Variants in C1orf162 observed in about 807,000 individuals in gnomAD.
The protein encoded by C1orf162 is chromosome 1 open reading frame 162, also known as transmembrane protein C1orf162.
C1orf162 carries 10 observed loss-of-function variants against 11.4 expected under a neutral mutation model. The observed-to-expected ratio is 0.88, with a 90% CI of 0.54 to 1.48. C1orf162 has a LOEUF of 1.48. C1orf162 is among the 40% of genes most tolerant of loss of function. The pLI is 0.00. For missense variants in C1orf162, 140 were observed against 149.5 expected, an observed-to-expected ratio of 0.94 and a Z score of 0.33; for synonymous variants, 53 against 55.0, an observed-to-expected ratio of 0.96 and a Z score of 0.16.
chr1:111,477,634 C>G, intron 4 of C1orf162, 92 bp from the exon 5 acceptor site: 1 of 1,612,360 alleles, frequency 6.2e-7, no homozygotes, highest in Non-Finnish European at 8.5e-7. Flanking sequence ...TCCTCCCCAC[C>G]CCACCCTTCA....
At chr1:111,475,997 G>C (rs760970825) in intron 1 of C1orf162, 21 bp from the exon 2 acceptor site, 1 of 1,607,510 alleles carries the variant, frequency 6.2e-7, no homozygotes, top group African/African-American at 1.3e-5. Flanking sequence ...CTTTCTAAGA[G>C]ATACCTTGTT....
At chr1:111,476,456 T>C (rs1019772338) in intron 2 of C1orf162, among the ~76,000 whole-genome samples, 2 of 152,188 alleles carry the variant, frequency 1.3e-5, no homozygotes, top group African/African-American at 4.8e-5. Flanking sequence ...GCATTTGTTG[T>C]TTCTCCCTAG....
intron 1 of C1orf162, 88 bp from the exon 2 acceptor site, chr1:111,475,930 T>C (rs2101770445): frequency 9.7e-7 from 1 of 1,029,962 alleles, no homozygotes; most frequent in East Asian, 2.4e-5. Flanking sequence ...TTGTTACTAC[T>C]CTTATATGAC....
chr1:111,476,827 C>G lies in C1orf162; in HGVS notation c.67C>G (p.Pro23Ala). ...ACAAGGCACTCTCTCCACAGCAGCC[C>G]CAACAACTAGCCCTGCACCCTGTCT... ...ERQGTLSTAA[P>A]TTSPAPCLSN... The change falls in exon 3 of 6, where the codon CCA (proline) becomes GCA (alanine). Residue 23 changes from proline (P) to alanine (A), a missense_variant. Physicochemically the swap from Pro to Ala is conservative, Grantham distance 27. Coordinates refer to ENST00000369718, the MANE Select transcript of C1orf162 (RefSeq NM_001300834.2). 6.2e-7 allele frequency: 1 copy of G among 1,614,032 alleles called. No homozygotes were observed. The highest frequency in any genetic ancestry group is 8.5e-7 in the Non-Finnish European group (1 of 1,179,966).
rs770283574 is a variant in C1orf162 at position 111,477,309 on chromosome 1, C to T, written c.108-25C>T. On this transcript the variant is annotated intron_variant, in intron 3 of 5. Transcript: ENST00000369718. ...GGCCTTCAAAAGCCCAACAGTTCAT[C>T]CCCTGCCTTTCTTTGCCAAAACAGC... is the stretch of plus-strand genomic sequence containing the variant. 15 of 1,591,080 alleles carry T rather than the reference C, an allele frequency of 9.4e-6. No individual in the cohort carries two copies. The South Asian group carries it at 1.4e-4, about 15-fold the overall frequency.
intron 1 of C1orf162, chr1:111,475,810 C>A: frequency 2.0e-6 from 1 of 499,718 alleles, no homozygotes; most frequent in South Asian, 2.8e-5. Context: ...TCTGGACCTG[C>A]AAACCTGAAG....
intron 1 of C1orf162, chr1:111,475,543 C>T (rs1653961169): frequency 1.2e-5 from 2 of 163,676 alleles, no homozygotes; most frequent in Admixed American, 5.7e-5. Context: ...AAGATTGATA[C>T]ATCAGACCCA....
At chr1:111,477,065 C>T in intron 3 of C1orf162, 198 bp downstream of exon 3, 1 of 660,766 alleles carries the variant, frequency 1.5e-6, no homozygotes. Context: ...TCCATGGATC[C>T]CCTAAGCTTA....
chr1:111,477,399 T>C lies in C1orf162; in HGVS notation c.173T>C (p.Ile58Thr). 6.2e-7 allele frequency: 1 copy of C among 1,613,932 alleles called. No homozygotes were observed. The highest frequency in any genetic ancestry group is 8.5e-7 in the Non-Finnish European group (1 of 1,179,788). The change falls in exon 4 of 6, where the codon ATC becomes ACC. Residue 58 changes from isoleucine to threonine, a missense_variant. Physicochemically the swap from Ile to Thr is moderately conservative, Grantham distance 89. Transcript: ENST00000369718. ...CTGACACTGCTGCTGATAGCCTTTA[T>C]CTTCCTCATCATAAAGAGCTACAGA... ...VLLTLLLIAF[I>T]FLIIKSYRKY...
At chr1:111,477,916 T>A (rs1240777437) in intron 5 of C1orf162, 67 bp from the exon 6 acceptor site, 4 of 1,606,338 alleles carry the variant, frequency 2.5e-6, no homozygotes, top group African/African-American at 1.3e-5. Flanking sequence ...GTGCTCAGGT[T>A]GCTTCTAAAG....
chr1:111,478,001 G>T lies in C1orf162; in HGVS notation c.271G>T (p.Glu91Ter), dbSNP rs147652304. Reference protein sequence around the residue: ...PPAKLSSIPGESLTYASTTFK... With the variant: ...PPAKLSSIPG ...TCTGCAGCTTTCATCCATCCCAGGG[G>T]AATCACTTACCTATGCCAGCACAAC... The change falls in exon 6 of 6, where the codon GAA (glutamate) becomes TAA (stop). Residue 91 changes from glutamate (E) to a stop codon, truncating the protein, a stop_gained. Coordinates refer to ENST00000369718, the MANE Select transcript of C1orf162 (RefSeq NM_001300834.2). LOFTEE classifies it low-confidence loss of function (END_TRUNC). 5.6e-6 allele frequency: 9 copies of T among 1,613,976 alleles called. No individual in the cohort carries two copies. The African/African-American group carries it at 1.2e-4, about 22-fold the overall frequency.
chr1:111,474,392 G>T (rs368858314), intron 1 of C1orf162, among the ~76,000 whole-genome samples: 1 of 152,074 alleles, frequency 6.6e-6, no homozygotes, highest in Admixed American at 6.6e-5. Flanking sequence ...GGGTGGGGTG[G>T]CCTAATGTTT....
chr1:111,476,807 G>A lies in C1orf162; in HGVS notation c.47G>A (p.Gly16Asp). The A allele has an allele frequency of 6.2e-7, 1 of 1,613,924 alleles. No homozygotes were observed. Among genetic ancestry groups the A allele is most frequent in the Non-Finnish European group, 8.5e-7 (1 of 1,179,858 alleles). The change falls in exon 3 of 6, where the codon GGC becomes GAC. Residue 16 changes from glycine (G) to aspartate (D), a missense_variant. Physicochemically the swap from Gly to Asp is moderately conservative, Grantham distance 94. Transcript: ENST00000369718. ...STCKPDTERQGTLSTAAPTTS... is the reference protein window; with the variant it reads ...STCKPDTERQDTLSTAAPTTS... ...TTGTGTTTTCTTGTAGAAAGACAAG[G>A]CACTCTCTCCACAGCAGCCCCAACA...
chr1:111,477,342 A>G lies in C1orf162; in HGVS notation c.116A>G (p.His39Arg). The G allele has an allele frequency of 1.2e-6, 2 of 1,614,010 alleles. No individual in the cohort carries two copies. The highest frequency in any genetic ancestry group is 1.7e-6 in the Non-Finnish European group (2 of 1,179,892). Reference protein sequence around the residue: ...PCLSNHHNKKHLILAFCAGVL... With the variant: ...PCLSNHHNKKRLILAFCAGVL... ...TTTCTTTGCCAAAACAGCAAAAAAC[A>G]TTTAATCCTTGCCTTTTGTGCTGGG... The change falls in exon 4 of 6, where the codon CAT (histidine) becomes CGT (arginine). Residue 39 changes from histidine (H) to arginine (R), a missense_variant. Coordinates refer to ENST00000369718, the MANE Select transcript of C1orf162 (RefSeq NM_001300834.2).
intron 2 of C1orf162, among the ~76,000 whole-genome samples, chr1:111,476,275 GTC>G (rs1653987211): frequency 6.6e-6 from 1 of 152,160 alleles, no homozygotes; most frequent in Non-Finnish European, 1.5e-5. Flanking sequence ...AGTAAAGGGT[GTC>G]TCTGCTCAAT....
intron 3 of C1orf162, 49 bp from the exon 4 acceptor site, chr1:111,477,285 G>A: frequency 6.7e-7 from 1 of 1,481,694 alleles, no homozygotes; most frequent in Non-Finnish European, 9.4e-7. Context: ...TTTAGGAAAG[G>A]CCTTCAAAAG....
chr1:111,477,302 A>G (rs1003498949), intron 3 of C1orf162, 32 bp from the exon 4 acceptor site: 2 of 1,575,998 alleles, frequency 1.3e-6, no homozygotes, highest in Non-Finnish European at 1.7e-6. Context: ...AAAGCCCAAC[A>G]GTTCATCCCC....
rs115634476 is a variant in C1orf162 at position 111,477,602 on chromosome 1, C to T, written c.203-124C>T. 4 of 1,508,158 alleles carry T rather than the reference C, an allele frequency of 2.7e-6. No individual in the cohort carries two copies. In the South Asian group the frequency reaches 3.4e-5, roughly 13 times the overall value. 93.4% of individuals were successfully genotyped at this position (1,508,158 alleles called of 1,614,324 possible). A position where few individuals can be genotyped will look rare whatever the true frequency, so the allele number is the denominator to read the frequency against. ...TCCCTTCATTTTTCTTCCGCCCTGCCCCCCACCCACCTGCCAACACCTCCT... is the reference window on the plus strand; with the variant it reads ...TCCCTTCATTTTTCTTCCGCCCTGCTCCCCACCCACCTGCCAACACCTCCT... On this transcript the variant is annotated intron_variant, in intron 4 of 5. Transcript: ENST00000369718.
At position 111,477,974 on chromosome 1, in the gene C1orf162, C is replaced by T. The variant is rs748167358; in HGVS notation, c.253-9C>T. 1.9e-6 allele frequency: 3 copies of T among 1,614,058 alleles called. No individual in the cohort carries two copies. The African/African-American group carries it at 4.0e-5, about 22-fold the overall frequency. On this transcript the variant is annotated splice_polypyrimidine_tract_variant and intron_variant, in intron 5 of 5. Coordinates refer to ENST00000369718, the MANE Select transcript of C1orf162 (RefSeq NM_001300834.2). ...GACTCACTCATTCCTCCTTTTTCTC[C>T]CTCTGCAGCTTTCATCCATCCCAGG...
Sources: gnomAD v4.1 joint callset for allele counts (sites outside exome capture counted in the v4.1 genomes callset) on GRCh38, gnomAD v4.1.1 for gene constraint, MANE v1.5 for transcripts, NCBI Gene and HGNC (gene_info 2026-07-23, HGNC 2026-07-21) for gene names.